Variants in PKN2 observed in about 807,000 individuals in gnomAD.
PKN2 encodes the protein protein kinase N2, also known as serine/threonine-protein kinase N2.
PKN2 carries 38 observed loss-of-function variants against 119.1 expected under a neutral mutation model. The observed-to-expected ratio is 0.32, with a 90% CI of 0.25 to 0.42. The LOEUF (loss-of-function observed/expected upper bound fraction) is 0.42. Among genes scored for constraint, PKN2 ranks in the 10% least tolerant of loss-of-function variants. PKN2 has a pLI of 1.00. For synonymous variants in PKN2, 390 were observed against 384.9 expected (o/e 1.01, Z -0.15); for missense variants, 850 against 1,165.1 (o/e 0.73, Z 3.94).
At position 88,766,480 on chromosome 1, in the gene PKN2, A is replaced by T. The variant is rs77757311; in HGVS notation, c.505-3872A>T. Among the ~76,000 whole-genome samples, 688 of 152,330 alleles carry T rather than the reference A, an allele frequency of 4.5e-3. 1 individual carries two copies. The highest frequency in any genetic ancestry group is 0.016 in the African/African-American group (646 of 41,594). On this transcript the variant is annotated intron_variant, in intron 3 of 21. Coordinates refer to ENST00000370521, the MANE Select transcript of PKN2 (RefSeq NM_006256.4). Reference sequence around the variant, plus strand: ...AAAAAACATAATTTGAAAGTCGTATAATTTTTTAGTTATTCTTATAATTGT... The same window carrying T: ...AAAAAACATAATTTGAAAGTCGTATTATTTTTTAGTTATTCTTATAATTGT...
At chr1:88,692,055 G>A (rs144036655) in intron 1 of PKN2, among the ~76,000 whole-genome samples, 191 of 150,722 alleles carry the variant, frequency 1.3e-3, no homozygotes, top group African/African-American at 4.4e-3. Context: ...TAGTTTAGTT[G>A]GACATATAAA....
chr1:88,733,384 A>G (rs6696476), intron 1 of PKN2, among the ~76,000 whole-genome samples: 10,214 of 152,234 alleles, frequency 0.067, 702 homozygotes, highest in African/African-American at 0.18. Context: ...TATTCTAACT[A>G]GAGTGATGTG....
chr1:88,700,211 T>C (rs1048113442), intron 1 of PKN2, among the ~76,000 whole-genome samples: 4 of 152,180 alleles, frequency 2.6e-5, no homozygotes, highest in African/African-American at 4.8e-5. Context: ...GCAGTGAACA[T>C]ACACATACAT....
At chr1:88,753,278 C>A (rs1468277544) in intron 2 of PKN2, among the ~76,000 whole-genome samples, 1 of 152,112 alleles carries the variant, frequency 6.6e-6, no homozygotes, top group Non-Finnish European at 1.5e-5. Flanking sequence ...GAAATCTAAG[C>A]CACTTTATCT....
In PKN2 at chr1:88,735,264, T is replaced by G. The variant is rs1018606159; in HGVS notation, c.49-5724T>G. ...GTCTTGATCTCATGGACTTGAATGA[T>G]CCTCCCACCCCAGCCTCCCAAGTAT... On this transcript the variant is annotated intron_variant, in intron 1 of 21. Transcript: ENST00000370521. 2.0e-5 allele frequency among the ~76,000 whole-genome samples: 3 copies of G among 152,206 alleles called. No homozygotes were observed. In the East Asian group the frequency reaches 5.8e-4, roughly 29 times the overall value.
intron 15 of PKN2, among the ~76,000 whole-genome samples, chr1:88,811,361 A>G (rs1216948733): frequency 6.6e-6 from 1 of 152,242 alleles, no homozygotes; most frequent in East Asian, 1.9e-4. Flanking sequence ...CTATTTATAT[A>G]AGTTTTCAGG....
intron 19 of PKN2, among the ~76,000 whole-genome samples, chr1:88,832,375 A>G (rs1258854009): frequency 5.3e-5 from 8 of 152,002 alleles, no homozygotes; most frequent in African/African-American, 1.9e-4. Context: ...TTAGACACTA[A>G]AAATTGACTG....
At chr1:88,759,268 C>A (rs1248535354) in intron 2 of PKN2, among the ~76,000 whole-genome samples, 1 of 152,170 alleles carries the variant, frequency 6.6e-6, no homozygotes, top group Non-Finnish European at 1.5e-5. Context: ...GAGGCTGAGG[C>A]AGGAGAATCG....
At chr1:88,821,227 TTG>T (rs1672276750) in intron 16 of PKN2, among the ~76,000 whole-genome samples, 1 of 152,232 alleles carries the variant, frequency 6.6e-6, no homozygotes, top group Non-Finnish European at 1.5e-5. Flanking sequence ...TTTTAAGTTT[TTG>T]TGAATCTGTC....
chr1:88,776,040 G>A (rs1283733627), intron 6 of PKN2, among the ~76,000 whole-genome samples: 3 of 151,282 alleles, frequency 2.0e-5, no homozygotes, highest in Admixed American at 6.6e-5. Flanking sequence ...CCTGGGAGGC[G>A]GAGCTGGCAG....
chr1:88,794,318 G>C (rs967634545), intron 8 of PKN2, among the ~76,000 whole-genome samples: 4 of 148,368 alleles, frequency 2.7e-5, no homozygotes, highest in Admixed American at 1.3e-4. Flanking sequence ...GGTGAGCCGA[G>C]ATCATGCCAT....
At chr1:88,828,661 A>G (rs1301462676) in intron 19 of PKN2, 38 bp downstream of exon 19, 1 of 1,540,966 alleles carries the variant, frequency 6.5e-7, no homozygotes, top group Non-Finnish European at 8.9e-7. Context: ...CAGAGGAAGG[A>G]TGATTGAAAT....
chr1:88,761,627 A>G (rs989710907), intron 3 of PKN2, among the ~76,000 whole-genome samples: 1 of 151,282 alleles, frequency 6.6e-6, no homozygotes, highest in East Asian at 1.9e-4. Context: ...AAAAAAAAAA[A>G]AAAAAAAGAC....
chr1:88,756,770 G>C (rs1454983099), intron 2 of PKN2, among the ~76,000 whole-genome samples: 1 of 152,100 alleles, frequency 6.6e-6, no homozygotes, highest in African/African-American at 2.4e-5. Flanking sequence ...GGACTTAACG[G>C]AGATACACTT....
chr1:88,689,475 T>A (rs1239412836), intron 1 of PKN2, among the ~76,000 whole-genome samples: 1 of 152,220 alleles, frequency 6.6e-6, no homozygotes, highest in Non-Finnish European at 1.5e-5. Context: ...TTGCCTTTTT[T>A]AATCTCAAAA....
rs562730449 is a variant in PKN2, at chr1:88,696,533, G to A, written c.48+11905G>A. On this transcript the variant is annotated intron_variant, in intron 1 of 21. Coordinates refer to ENST00000370521, the MANE Select transcript of PKN2 (RefSeq NM_006256.4). ...ACTTCTAAATTTACATTAACTACAAGTTCATTGCACATAGACCACAGCTGA... is the reference window on the plus strand; with the variant it reads ...ACTTCTAAATTTACATTAACTACAAATTCATTGCACATAGACCACAGCTGA... Among the ~76,000 whole-genome samples, 7 of 152,268 alleles carry A rather than the reference G, an allele frequency of 4.6e-5. No homozygotes were observed. The East Asian group carries it at 1.4e-3, about 29-fold the overall frequency.
rs75645774 is a variant in PKN2 at position 88,791,107 on chromosome 1, G to T, written c.1281+4894G>T. On this transcript the variant is annotated intron_variant, in intron 8 of 21. Coordinates refer to ENST00000370521, the MANE Select transcript of PKN2 (RefSeq NM_006256.4). The stretch of plus-strand genomic sequence containing the variant: ...TTGGGCAAATGTGTGGCCATCCATG[G>T]CTTTCTTAAGAATGAGACACTAAAG... Among the ~76,000 whole-genome samples the T allele has an allele frequency of 4.2e-3, 639 of 152,156 alleles. 5 individuals carry two copies. The highest frequency in any genetic ancestry group is 0.015 in the African/African-American group (611 of 41,526).
chr1:88,766,731 C>A (rs1252108479), intron 3 of PKN2, among the ~76,000 whole-genome samples: 1 of 152,126 alleles, frequency 6.6e-6, no homozygotes, highest in East Asian at 1.9e-4. Context: ...TCCGTGTACT[C>A]CAGCCTTATC....
intron 1 of PKN2, among the ~76,000 whole-genome samples, chr1:88,722,277 C>A (rs1667711187): frequency 6.6e-6 from 1 of 152,128 alleles, no homozygotes; most frequent in African/African-American, 2.4e-5. Flanking sequence ...TTCTTTTATG[C>A]TTGAATATGT....
Sources: gnomAD v4.1 joint callset for allele counts (sites outside exome capture counted in the v4.1 genomes callset) on GRCh38, gnomAD v4.1.1 for gene constraint, MANE v1.5 for transcripts, NCBI Gene and HGNC (gene_info 2026-07-23, HGNC 2026-07-21) for gene names.